FGGY: variants seen among roughly 807,000 people sequenced by gnomAD.
The protein encoded by FGGY is FGGY carbohydrate kinase domain-containing protein.
A neutral mutation model predicts 71.3 loss-of-function variants in FGGY; 72 were observed. That is an observed-to-expected ratio of 1.01 (90% CI 0.84 to 1.23). The LOEUF is 1.23. Ranked by LOEUF, FGGY falls within the 50% of genes most tolerant of loss-of-function variation. FGGY has a pLI of 0.00. For synonymous variants in FGGY, 251 were observed against 250.3 expected (o/e 1.00, Z -0.02); for missense variants, 668 against 682.3 (o/e 0.98, Z 0.23).
chr1:59,502,472 T>C lies in FGGY; in HGVS notation c.671-9839T>C, dbSNP rs192353416. On this transcript the variant is annotated intron_variant, in intron 6 of 15. Transcript: ENST00000303721. ...GCAATTATCTAGAGAATTGGGTCAC[T>C]GTGGGTGCCAAAGTGGATGATGATT... 1.8e-4 allele frequency among the ~76,000 whole-genome samples: 27 copies of C among 152,340 alleles called. No homozygotes were observed. In the East Asian group the frequency reaches 4.4e-3, roughly 25 times the overall value.
At chr1:59,546,682 G>A (rs113699829) in intron 7 of FGGY, among the ~76,000 whole-genome samples, 3,930 of 151,866 alleles carry the variant, frequency 0.026, 175 homozygotes, top group African/African-American at 0.09. Context: ...AAGTAGCTGG[G>A]ACTATAGGTG....
At chr1:59,599,787 AGTTG>A (rs2096560054) in intron 8 of FGGY, among the ~76,000 whole-genome samples, 5 of 151,720 alleles carry the variant, frequency 3.3e-5, no homozygotes, top group Non-Finnish European at 4.4e-5. Flanking sequence ...GAACACTAAG[AGTTG>A]AGAAAGAAAA....
intron 5 of FGGY, among the ~76,000 whole-genome samples, chr1:59,384,033 G>A (rs542908144): frequency 6.6e-6 from 1 of 152,142 alleles, no homozygotes; most frequent in South Asian, 2.1e-4. Flanking sequence ...AAAGTGGAGG[G>A]CGTCTTGTTA....
chr1:59,695,910 T>A (rs2097653987), intron 14 of FGGY, among the ~76,000 whole-genome samples: 3 of 152,128 alleles, frequency 2.0e-5, no homozygotes, highest in Admixed American at 1.3e-4. Flanking sequence ...GTTTTTTTTT[T>A]ATATATTACT....
At chr1:59,716,256 A>C (rs1391547130) in intron 14 of FGGY, among the ~76,000 whole-genome samples, 2 of 152,122 alleles carry the variant, frequency 1.3e-5, no homozygotes, top group South Asian at 4.1e-4. Context: ...TACTTAATAC[A>C]TCTGTTTTAT....
chr1:59,692,609 T>C (rs2097600914), intron 14 of FGGY, among the ~76,000 whole-genome samples: 1 of 146,570 alleles, frequency 6.8e-6, no homozygotes. Flanking sequence ...ATATGGCAAA[T>C]GGTCCACTAT....
intron 15 of FGGY, among the ~76,000 whole-genome samples, chr1:59,758,240 A>G (rs1416877282): frequency 6.6e-6 from 1 of 152,192 alleles, no homozygotes; most frequent in African/African-American, 2.4e-5. Context: ...TTCCCAGGTA[A>G]TTGGCAGCAA....
chr1:59,391,876 C>T (rs917464020), intron 5 of FGGY, among the ~76,000 whole-genome samples: 1 of 152,194 alleles, frequency 6.6e-6, no homozygotes, highest in African/African-American at 2.4e-5. Context: ...AGAACTCTCT[C>T]TGAATTTGAT....
chr1:59,602,712 G>A (rs544518221), intron 8 of FGGY, among the ~76,000 whole-genome samples: 68 of 152,234 alleles, frequency 4.5e-4, no homozygotes, highest in Non-Finnish European at 8.5e-4. Flanking sequence ...TGTCCTCCTC[G>A]TTCAAAGCCT....
At chr1:59,469,162 C>T (rs1341584045) in intron 6 of FGGY, among the ~76,000 whole-genome samples, 1 of 152,186 alleles carries the variant, frequency 6.6e-6, no homozygotes, top group Non-Finnish European at 1.5e-5. Context: ...CAGATTGATT[C>T]ATGAACTCAG....
intron 11 of FGGY, among the ~76,000 whole-genome samples, chr1:59,650,237 G>C (rs372271649): frequency 3.4e-5 from 5 of 146,168 alleles, no homozygotes; most frequent in African/African-American, 8.3e-5. Flanking sequence ...CTCTGCCAGG[G>C]TTTGGTATCA....
At chr1:59,679,490 C>CA (rs1217826140) in intron 14 of FGGY, among the ~76,000 whole-genome samples, 36 of 151,660 alleles carry the variant, frequency 2.4e-4, no homozygotes, top group Non-Finnish European at 5.0e-4. Flanking sequence ...AGTTTACTTG[C>CA]ATTTTTTTCT....
At chr1:59,311,818 A>G (rs113296162) in intron 1 of FGGY, among the ~76,000 whole-genome samples, 92 of 152,328 alleles carry the variant, frequency 6.0e-4, no homozygotes, top group African/African-American at 2.1e-3. Context: ...GAATCGCCAT[A>G]CTGCCTTCTA....
chr1:59,672,734 G>C (rs1173945912), intron 13 of FGGY, among the ~76,000 whole-genome samples: 1 of 152,156 alleles, frequency 6.6e-6, no homozygotes, highest in African/African-American at 2.4e-5. Flanking sequence ...AGACAAGATA[G>C]GAAAAGAAAT....
At chr1:59,324,120 G>A (rs2046896615) in intron 2 of FGGY, among the ~76,000 whole-genome samples, 1 of 152,240 alleles carries the variant, frequency 6.6e-6, no homozygotes, top group Middle Eastern at 3.4e-3. Flanking sequence ...TGCCTGAGAT[G>A]ACTTTCCTCT....
chr1:59,613,875 T>C (rs149365389), intron 9 of FGGY, among the ~76,000 whole-genome samples: 5,650 of 151,948 alleles, frequency 0.037, 209 homozygotes, highest in African/African-American at 0.099. Context: ...AACACCTCTA[T>C]GCAAATAAAC....
At chr1:59,587,277 A>G (rs1571699762) in intron 8 of FGGY, among the ~76,000 whole-genome samples, 2 of 152,072 alleles carry the variant, frequency 1.3e-5, no homozygotes, top group African/African-American at 4.8e-5. Context: ...TGCTTAGGTA[A>G]GCAAAGCAGC....
intron 5 of FGGY, among the ~76,000 whole-genome samples, chr1:59,452,047 T>C (rs572432267): frequency 7.4e-4 from 112 of 152,156 alleles, no homozygotes; most frequent in African/African-American, 2.6e-3. Flanking sequence ...CCTGTATTCA[T>C]TTAATTACAG....
intron 7 of FGGY, among the ~76,000 whole-genome samples, chr1:59,514,611 CAT>C (rs2094595939): frequency 6.6e-6 from 1 of 152,204 alleles, no homozygotes; most frequent in Non-Finnish European, 1.5e-5. Flanking sequence ...AGAATTCCCA[CAT>C]GTTGTGGGAG....
Sources: gnomAD v4.1 joint callset for allele counts (sites outside exome capture counted in the v4.1 genomes callset) on GRCh38, gnomAD v4.1.1 for gene constraint, MANE v1.5 for transcripts, NCBI Gene and HGNC (gene_info 2026-07-23, HGNC 2026-07-21) for gene names.